SLC44A5: variants seen among roughly 807,000 people sequenced by gnomAD.
The protein encoded by SLC44A5 is solute carrier family 44 member 5, also known as choline transporter-like protein 5.
SLC44A5 carries 57 observed loss-of-function variants against 101.8 expected under a neutral mutation model. The observed-to-expected ratio is 0.56, with a 90% CI of 0.45 to 0.70. The LOEUF (loss-of-function observed/expected upper bound fraction) is 0.70. Ranked by LOEUF, SLC44A5 falls within the 30% of genes least tolerant of loss-of-function variation. The pLI is 0.00. For missense variants in SLC44A5, 737 were observed against 853.1 expected, an observed-to-expected ratio of 0.86 and a Z score of 1.70; for synonymous variants, 281 against 290.9, an observed-to-expected ratio of 0.97 and a Z score of 0.35.
the SLC44A5 span, among the ~76,000 whole-genome samples, chr1:75,682,985 G>A: frequency 6.6e-6 from 1 of 152,056 alleles, no homozygotes; most frequent in Non-Finnish European, 1.5e-5. Context: ...CATTTATGCA[G>A]CCAAAAAACA....
At chr1:75,494,411 AC>A (rs1455909946) in intron 2 of SLC44A5, among the ~76,000 whole-genome samples, 1 of 152,164 alleles carries the variant, frequency 6.6e-6, no homozygotes, top group Non-Finnish European at 1.5e-5. Context: ...TATAGCTAGT[AC>A]CCAAGGAATT....
At chr1:75,376,611 C>T (rs1290556673) in intron 3 of SLC44A5, among the ~76,000 whole-genome samples, 1 of 151,974 alleles carries the variant, frequency 6.6e-6, no homozygotes, top group Non-Finnish European at 1.5e-5. Flanking sequence ...AGACCTGCAG[C>T]TGAGGGTCCT....
intron 2 of SLC44A5, among the ~76,000 whole-genome samples, chr1:75,519,571 T>TA (rs922481517): frequency 2.6e-4 from 40 of 151,586 alleles, no homozygotes; most frequent in African/African-American, 8.5e-4. Flanking sequence ...AAAAAAAAAA[T>TA]TATTATTTGC....
intron 1 of SLC44A5, among the ~76,000 whole-genome samples, chr1:75,574,646 G>A (rs1673265635): frequency 6.6e-6 from 1 of 152,080 alleles, no homozygotes; most frequent in African/African-American, 2.4e-5. Context: ...ACCAAGCCCT[G>A]CCCTCTACAG....
chr1:75,502,812 A>T (rs1669039197), intron 2 of SLC44A5, among the ~76,000 whole-genome samples: 2 of 151,900 alleles, frequency 1.3e-5, no homozygotes, highest in Non-Finnish European at 2.9e-5. Flanking sequence ...CTCAAATAGG[A>T]TTTTAGCATA....
At chr1:75,567,265 T>TC (rs1476049181) in intron 1 of SLC44A5, among the ~76,000 whole-genome samples, 1 of 151,796 alleles carries the variant, frequency 6.6e-6, no homozygotes, top group Non-Finnish European at 1.5e-5. Flanking sequence ...TATGTACAGC[T>TC]CCCCCACATA....
At chr1:75,531,782 T>A (rs938445115) in intron 2 of SLC44A5, among the ~76,000 whole-genome samples, 1 of 152,240 alleles carries the variant, frequency 6.6e-6, no homozygotes, top group Non-Finnish European at 1.5e-5. Flanking sequence ...TTCCCTCTTC[T>A]CTTCCACATT....
intron 6 of SLC44A5, among the ~76,000 whole-genome samples, chr1:75,273,807 A>G (rs1570537576): frequency 6.6e-6 from 1 of 152,016 alleles, no homozygotes; most frequent in Non-Finnish European, 1.5e-5. Context: ...TTTTGCATCT[A>G]TGTTCATTAA....
At chr1:75,397,828 G>A (rs999153395) in intron 2 of SLC44A5, among the ~76,000 whole-genome samples, 4 of 152,118 alleles carry the variant, frequency 2.6e-5, no homozygotes, top group African/African-American at 9.7e-5. Flanking sequence ...CTCCAGTAAT[G>A]TCAAATGTAT....
the SLC44A5 span, among the ~76,000 whole-genome samples, chr1:75,618,764 C>A: frequency 6.6e-6 from 1 of 151,916 alleles, no homozygotes; most frequent in Non-Finnish European, 1.5e-5. Flanking sequence ...CAAACATATC[C>A]AAACATAGAA....
rs775305961 is a variant in SLC44A5, at chr1:75,238,460, G to A, written c.656+53C>T. ...TTAACCCAATAGGCGCTTTAGTCTC[G>A]AGTGCAATAACAAAATGCATCAAAC... On this transcript the variant is annotated intron_variant, in intron 10 of 23. Transcript: ENST00000370859. The A allele has an allele frequency of 9.7e-6, 14 of 1,449,032 alleles. No homozygotes were observed. The Admixed American group carries it at 1.1e-4, about 12-fold the overall frequency. The allele number at this position is 1,449,032 out of a possible 1,614,324, so 89.8% of individuals were successfully genotyped here.
chr1:75,376,244 G>A (rs1349703028), intron 3 of SLC44A5, among the ~76,000 whole-genome samples: 2 of 152,222 alleles, frequency 1.3e-5, no homozygotes, highest in African/African-American at 4.8e-5. Flanking sequence ...CTGCAAGGCG[G>A]CAGCGAGGCT....
At chr1:75,718,472 G>C in the SLC44A5 span, among the ~76,000 whole-genome samples, 3 of 152,164 alleles carry the variant, frequency 2.0e-5, no homozygotes, top group African/African-American at 7.2e-5. Flanking sequence ...ATTAACAGAA[G>C]CTATCCCTAT....
chr1:75,240,679 T>C (rs924054874), intron 9 of SLC44A5, among the ~76,000 whole-genome samples: 1 of 152,054 alleles, frequency 6.6e-6, no homozygotes, highest in Non-Finnish European at 1.5e-5. Flanking sequence ...GGAAGAGTGA[T>C]GGAAGTATGT....
intron 12 of SLC44A5, among the ~76,000 whole-genome samples, chr1:75,232,212 T>C (rs1389782000): frequency 6.6e-6 from 1 of 152,136 alleles, no homozygotes; most frequent in Non-Finnish European, 1.5e-5. Context: ...ACCTGCACTT[T>C]TTATATGTTG....
At chr1:75,361,165 A>G (rs1249831) in intron 3 of SLC44A5, among the ~76,000 whole-genome samples, 56,552 of 151,846 alleles carry the variant, frequency 0.37, 10,831 homozygotes, top group Middle Eastern at 0.42. Flanking sequence ...GTATCCTACA[A>G]CTTTTCTGAA....
chr1:75,356,711 G>C (rs1266249475), intron 3 of SLC44A5, among the ~76,000 whole-genome samples: 1 of 152,100 alleles, frequency 6.6e-6, no homozygotes, highest in South Asian at 2.1e-4. Context: ...CTCACTCAAA[G>C]CAACTTCCAG....
At chr1:75,334,142 T>C (rs1557674271) in intron 4 of SLC44A5, among the ~76,000 whole-genome samples, 1 of 152,204 alleles carries the variant, frequency 6.6e-6, no homozygotes, top group African/African-American at 2.4e-5. Flanking sequence ...CTATTGAAAG[T>C]AGCTTTATTC....
At chr1:75,488,301 G>A (rs1273754405) in intron 2 of SLC44A5, among the ~76,000 whole-genome samples, 2 of 152,158 alleles carry the variant, frequency 1.3e-5, no homozygotes, top group African/African-American at 2.4e-5. Context: ...TACCAAAAAG[G>A]TTGGGGACCA....
Sources: gnomAD v4.1 joint callset for allele counts (sites outside exome capture counted in the v4.1 genomes callset) on GRCh38, gnomAD v4.1.1 for gene constraint, MANE v1.5 for transcripts, NCBI Gene and HGNC (gene_info 2026-07-23, HGNC 2026-07-21) for gene names.